The following ZPBP2 variants were observed in gnomAD, a reference collection of about 807,000 sequenced individuals.
ZPBP2 encodes zona pellucida binding protein 2, also known as zona pellucida-binding protein 2.
Under a neutral mutation model 37.5 loss-of-function variants are expected in ZPBP2, and 34 were observed. The ratio of observed to expected loss-of-function variants is 0.91; its 90% CI spans 0.69 to 1.21. The LOEUF (loss-of-function observed/expected upper bound fraction) is 1.21, where lower values mean the gene tolerates loss of function less well. ZPBP2 is among the 50% of genes most tolerant of loss of function. The pLI is 0.00. For missense variants in ZPBP2, 397 were observed against 413.5 expected (o/e 0.96, Z 0.35); for synonymous variants, 143 against 138.4 (o/e 1.03, Z -0.23).
chr17:39,872,421 A>T lies in ZPBP2; in HGVS notation c.558A>T (p.Ser186=). ...SDLSCHVIEP[S]YKCHSVEIPE... ...TGTCATGCCATGTCATAGAGCCATC[A>T]TATAAATGCCATTCTGTTGAAATTC... Residue 186 remains serine, a synonymous_variant, in exon 5 of 8, where the codon TCA becomes TCT. Transcript: ENST00000348931. The T allele has an allele frequency of 6.2e-7, 1 of 1,613,466 alleles. No individual in the cohort carries two copies.
rs764413975 is a variant in ZPBP2 at position 39,871,581 on chromosome 17, A to G, written c.362A>G (p.Gln121Arg). The change falls in exon 4 of 8, where the codon CAA becomes CGA. Residue 121 changes from glutamine to arginine, a missense_variant. Gln to Arg is a conservative substitution (Grantham distance 43). Transcript: ENST00000348931. Reference protein sequence around the residue: ...LSYKTVKAETQEEKTVKKRYD... With the variant: ...LSYKTVKAETREEKTVKKRYD... ...TATAAGACTGTTAAAGCAGAAACTC[A>G]AGAAGAAAAAACAGTCAAAAAGAGA... 39 of 1,597,458 alleles carry G rather than the reference A, an allele frequency of 2.4e-5. No homozygotes were observed. Among genetic ancestry groups the G allele is most frequent in the Middle Eastern group, 1.7e-4 (1 of 5,996 alleles).
Position 39,872,462 on chromosome 17 carries a change from T to C in ZPBP2, c.599T>C (p.Ile200Thr). Residue 200 changes from isoleucine (I) to threonine (T), a missense_variant, in exon 5 of 8, where the codon ATA becomes ACA. Physicochemically the swap from Ile to Thr is moderately conservative, Grantham distance 89. Coordinates refer to ENST00000348931, the MANE Select transcript of ZPBP2 (RefSeq NM_199321.3). The part of the protein sequence containing the change: ...HSVEIPEHGL[I>T]HELFIAFQVN... ...GTTGAAATTCCAGAACATGGCCTCA[T>C]ACATGAGCTATTTATAGCATTTCAA... The C allele has an allele frequency of 1.2e-6, 2 of 1,611,108 alleles. No homozygotes were observed. Among genetic ancestry groups the C allele is most frequent in the Non-Finnish European group, 1.7e-6 (2 of 1,178,978 alleles).
intron 6 of ZPBP2, among the ~76,000 whole-genome samples, chr17:39,874,956 G>A (rs1280462167): frequency 6.6e-6 from 1 of 151,898 alleles, no homozygotes. Flanking sequence ...TTACCATGTT[G>A]GCCAGGATGG....
chr17:39,875,593 ATTTTTT>A (rs71152615), intron 7 of ZPBP2, among the ~76,000 whole-genome samples, 159 bp downstream of exon 7: 1 of 146,110 alleles, frequency 6.8e-6, no homozygotes, highest in Non-Finnish European at 1.5e-5. Flanking sequence ...CAAAGCCCCA[ATTTTTT>A]TTTTTTTTGT....
In ZPBP2 at chr17:39,873,986, T is replaced by TC. The variant is rs1454801201; in HGVS notation, c.708+860_708+861insC. On this transcript the variant is annotated intron_variant, in intron 6 of 7. Coordinates refer to ENST00000348931, the MANE Select transcript of ZPBP2 (RefSeq NM_199321.3). ...AATGCTGATTAAAGAAAAGTCTTTT[T>TC]TTTTTTTTTTTTTTTTGAGACGGAG... Among the ~76,000 whole-genome samples, 3 of 147,270 alleles carry TC rather than the reference T, an allele frequency of 2.0e-5. No individual in the cohort carries two copies. The East Asian group carries it at 5.8e-4, about 29-fold the overall frequency.
rs1287139279 is a variant in ZPBP2, at chr17:39,868,391, T to C, written c.37T>C (p.Trp13Arg). The change falls in exon 1 of 8, where the codon TGG (tryptophan) becomes CGG (arginine). Residue 13 changes from tryptophan (W) to arginine (R), a missense_variant. Trp to Arg is a moderately radical substitution (Grantham distance 101). Coordinates refer to ENST00000348931, the MANE Select transcript of ZPBP2 (RefSeq NM_199321.3). ...GTGCGTCCTACTCTCCGCGGTGCTC[T>C]GGTGCCTCACAGGAGGTGGGGCTCC... ...RTCVLLSAVL[W>R]CLTGVQCPRF... The C allele has an allele frequency of 3.1e-6, 5 of 1,610,702 alleles. No homozygotes were observed. The African/African-American group carries it at 5.3e-5, about 17-fold the overall frequency.
intron 2 of ZPBP2, among the ~76,000 whole-genome samples, chr17:39,870,196 A>G (rs558778645): frequency 6.6e-6 from 1 of 151,894 alleles, no homozygotes; most frequent in Non-Finnish European, 1.5e-5. Context: ...GGCCCACATT[A>G]CCACGCCAAG....
chr17:39,875,608 GT>G (rs919131003), intron 7 of ZPBP2, among the ~76,000 whole-genome samples, 174 bp downstream of exon 7: 13 of 138,590 alleles, frequency 9.4e-5, no homozygotes, highest in African/African-American at 3.1e-4. Flanking sequence ...TTTTTTTTTT[GT>G]TTTTTTTGAG....
chr17:39,870,819 G>A lies in ZPBP2; in HGVS notation c.244G>A (p.Gly82Arg). The A allele has an allele frequency of 1.3e-6, 2 of 1,494,150 alleles. No homozygotes were observed. The highest frequency in any genetic ancestry group is 9.0e-7 in the Non-Finnish European group (1 of 1,112,626). 92.6% of individuals were successfully genotyped at this position (1,494,150 alleles called of 1,614,324 possible). A position where few individuals can be genotyped will look rare whatever the true frequency, so the allele number is the denominator to read the frequency against. Residue 82 changes from glycine (G) to arginine (R), a missense_variant and splice_region_variant, in exon 3 of 8, where the codon GGA becomes AGA. By Grantham distance (125) the Gly-to-Arg change is moderately radical. Coordinates refer to ENST00000348931, the MANE Select transcript of ZPBP2 (RefSeq NM_199321.3). ...WIGPNEKTLT[G>R]NNRINITETG... ...TGGGCCTAATGAAAAGACGTTAACA[G>A]GTAAATTTGATTTTAATATGTACTT...
intron 4 of ZPBP2, among the ~76,000 whole-genome samples, chr17:39,871,932 T>C (rs1461536234): frequency 6.6e-6 from 1 of 152,154 alleles, no homozygotes; most frequent in Non-Finnish European, 1.5e-5. Flanking sequence ...AATGATCCTT[T>C]CACTGGGTTG....
At chr17:39,876,226 A>G (rs913876473) in intron 7 of ZPBP2, among the ~76,000 whole-genome samples, 3 of 152,050 alleles carry the variant, frequency 2.0e-5, no homozygotes, top group African/African-American at 7.2e-5. Flanking sequence ...GCCAAAGCCC[A>G]AATTTCTAAA....
At chr17:39,871,736 T>A in intron 4 of ZPBP2, 111 bp downstream of exon 4, 1 of 847,358 alleles carries the variant, frequency 1.2e-6, no homozygotes, top group Non-Finnish European at 1.7e-6. Context: ...TCACCAATTA[T>A]GACTTACAAA....
chr17:39,868,957 A>G (rs1419983225), intron 2 of ZPBP2, among the ~76,000 whole-genome samples: 1 of 152,046 alleles, frequency 6.6e-6, no homozygotes, highest in Non-Finnish European at 1.5e-5. Flanking sequence ...AATATCTTTA[A>G]TCCTCCCCTT....
rs933009019 is a variant in ZPBP2 at position 39,868,606 on chromosome 17, G to C, written c.110G>C (p.Gly37Ala). 1.2e-6 allele frequency: 2 copies of C among 1,614,030 alleles called. No homozygotes were observed. Among genetic ancestry groups the C allele is most frequent in the African/African-American group, 1.3e-5 (1 of 74,910 alleles). The part of the protein sequence containing the change: ...NKKGFIYGKT[G>A]QPDKIYVELH... Reference sequence around the variant, plus strand: ...AAGGGCTTCATTTATGGCAAGACAGGACAGCCAGGTAATAAGGGCCTCTGC... The same window carrying C: ...AAGGGCTTCATTTATGGCAAGACAGCACAGCCAGGTAATAAGGGCCTCTGC... The change falls in exon 2 of 8, where the codon GGA (glycine) becomes GCA (alanine). Residue 37 changes from glycine to alanine, a missense_variant. Physicochemically the swap from Gly to Ala is moderately conservative, Grantham distance 60. Transcript: ENST00000348931.
intron 7 of ZPBP2, among the ~76,000 whole-genome samples, chr17:39,876,396 T>C (rs1383505926): frequency 1.3e-5 from 2 of 152,168 alleles, no homozygotes; most frequent in South Asian, 2.1e-4. Flanking sequence ...AAACTAGAAA[T>C]AGGAACTCAT....
At chr17:39,868,709 A>T in intron 2 of ZPBP2, 95 bp downstream of exon 2, 1 of 1,417,832 alleles carries the variant, frequency 7.1e-7, no homozygotes, top group Non-Finnish European at 9.9e-7. Context: ...GGAACGAGCC[A>T]GCGTTTATTG....
chr17:39,869,776 G>C (rs1334336984), intron 2 of ZPBP2, among the ~76,000 whole-genome samples: 2 of 126,620 alleles, frequency 1.6e-5, no homozygotes, highest in South Asian at 5.1e-4. Flanking sequence ...GCAGTGGTGT[G>C]ATCTCGGGTC....
chr17:39,872,150 T>G (rs930934519), intron 4 of ZPBP2, 120 bp from the exon 5 acceptor site: 7 of 705,846 alleles, frequency 9.9e-6, no homozygotes, highest in Non-Finnish European at 1.6e-5. Context: ...ACGTTATGTT[T>G]CTATGCTGAC....
At chr17:39,868,828 A>G (rs538102414) in intron 2 of ZPBP2, among the ~76,000 whole-genome samples, 17 of 152,078 alleles carry the variant, frequency 1.1e-4, no homozygotes, top group Non-Finnish European at 2.1e-4. Context: ...ACAGCTCACA[A>G]AGGGCTGGGA....
Sources: allele counts gnomAD v4.1 joint callset (sites outside exome capture counted in the v4.1 genomes callset), GRCh38; gene constraint gnomAD v4.1.1; transcripts MANE v1.5; gene names NCBI Gene and HGNC (gene_info 2026-07-23, HGNC 2026-07-21).